The following HIKESHI variants were observed in gnomAD, a reference collection of about 807,000 sequenced individuals.
HIKESHI encodes heat shock protein nuclear import factor hikeshi.
Under a neutral mutation model 25.7 loss-of-function variants are expected in HIKESHI, and 13 were observed. The ratio of observed to expected loss-of-function variants is 0.51; its 90% CI spans 0.33 to 0.80. The LOEUF is 0.80. Ranked by LOEUF, HIKESHI falls within the 30% of genes least tolerant of loss-of-function variation. HIKESHI has a pLI of 0.02. For missense variants in HIKESHI, 174 were observed against 229.5 expected (o/e 0.76, Z 1.56); for synonymous variants, 76 against 78.7 (o/e 0.97, Z 0.18).
chr11:86,339,281 C>G (rs1388357903), intron 3 of HIKESHI, among the ~76,000 whole-genome samples: 1 of 152,202 alleles, frequency 6.6e-6, no homozygotes, highest in Non-Finnish European at 1.5e-5. Context: ...ATCTCCTGAC[C>G]TCGTTATCCG....
intron 2 of HIKESHI, among the ~76,000 whole-genome samples, chr11:86,317,273 A>T (rs1947012356): frequency 6.6e-6 from 1 of 152,190 alleles, no homozygotes; most frequent in Admixed American, 6.5e-5. Flanking sequence ...CAGTGAGCGG[A>T]GATTGCAACA....
intron 3 of HIKESHI, among the ~76,000 whole-genome samples, chr11:86,342,270 G>A (rs916686987): frequency 5.3e-5 from 8 of 152,112 alleles, no homozygotes; most frequent in South Asian, 4.2e-4. Context: ...ATGTGTTCTG[G>A]ATAATAATCC....
At chr11:86,312,884 C>T (rs1409929426) in intron 2 of HIKESHI, among the ~76,000 whole-genome samples, 4 of 152,138 alleles carry the variant, frequency 2.6e-5, no homozygotes. Context: ...TGAATATTGG[C>T]CCCCACTCTC....
rs1947749712 is a variant in HIKESHI at position 86,342,205 on chromosome 11, T to A, written c.421-2398T>A. Among the ~76,000 whole-genome samples the A allele has an allele frequency of 2.0e-5, 3 of 152,248 alleles. No homozygotes were observed. In the South Asian group the frequency reaches 6.2e-4, roughly 31 times the overall value. On this transcript the variant is annotated intron_variant, in intron 3 of 4. Transcript: ENST00000278483. ...TATTTTGTCCAATTTTCTGTTGTATTGCTTTTGGCACTTTTTAAATTTAGT... is the reference window on the plus strand; with the variant it reads ...TATTTTGTCCAATTTTCTGTTGTATAGCTTTTGGCACTTTTTAAATTTAGT...
chr11:86,316,026 T>C (rs1364156278), intron 2 of HIKESHI, among the ~76,000 whole-genome samples: 6 of 149,122 alleles, frequency 4.0e-5, no homozygotes, highest in African/African-American at 1.2e-4. Flanking sequence ...GTGCTAATAG[T>C]CGCAGCTACT....
rs1384626829 is a variant in HIKESHI, at chr11:86,312,146, T to C, written c.268+5664T>C. Among the ~76,000 whole-genome samples, 6 of 152,216 alleles carry C rather than the reference T, an allele frequency of 3.9e-5. No individual in the cohort carries two copies. In the East Asian group the frequency reaches 1.2e-3, roughly 29 times the overall value. ...CTTTCTGTCTCGTTGATCTGTCTAA[T>C]GTTGACAGTGGGGTGTTAAAGTCTC... is the stretch of plus-strand genomic sequence containing the variant. On this transcript the variant is annotated intron_variant, in intron 2 of 4. Coordinates refer to ENST00000278483, the MANE Select transcript of HIKESHI (RefSeq NM_016401.4).
At chr11:86,322,441 A>G (rs1376476362) in intron 2 of HIKESHI, among the ~76,000 whole-genome samples, 4 of 151,518 alleles carry the variant, frequency 2.6e-5, no homozygotes, top group African/African-American at 9.7e-5. Flanking sequence ...GTATATGTAT[A>G]TGTGTGTGTG....
chr11:86,345,400 A>G, intron 4 of HIKESHI, 184 bp from the exon 5 acceptor site: 1 of 480,236 alleles, frequency 2.1e-6, no homozygotes, highest in Non-Finnish European at 3.6e-6. Context: ...CTGCCCCGAT[A>G]TTTAAATTCC....
intron 2 of HIKESHI, among the ~76,000 whole-genome samples, chr11:86,333,921 T>C (rs1947481922): frequency 1.3e-5 from 2 of 152,044 alleles, no homozygotes; most frequent in South Asian, 4.2e-4. Context: ...CTTCAAGCTT[T>C]CAGGTATTAT....
chr11:86,318,667 A>G (rs935480896), intron 2 of HIKESHI, among the ~76,000 whole-genome samples: 5 of 152,208 alleles, frequency 3.3e-5, no homozygotes, highest in African/African-American at 1.2e-4. Context: ...TTTTATTACT[A>G]GAAAATTCAA....
At chr11:86,333,936 T>C (rs1947482316) in intron 2 of HIKESHI, among the ~76,000 whole-genome samples, 1 of 150,746 alleles carries the variant, frequency 6.6e-6, no homozygotes, top group Admixed American at 6.7e-5. Flanking sequence ...TATTATATTA[T>C]GGCAATGTAG....
At chr11:86,302,616 G>A (rs1384271511) in intron 1 of HIKESHI, 138 bp downstream of exon 1, 1 of 935,526 alleles carries the variant, frequency 1.1e-6, no homozygotes, top group Non-Finnish European at 1.6e-6. Flanking sequence ...AGGATGGAGC[G>A]TGGGAAGCTG....
rs532813656 is a variant in HIKESHI, at chr11:86,320,343, C to T, written c.268+13861C>T. On this transcript the variant is annotated intron_variant, in intron 2 of 4. Transcript: ENST00000278483. Reference sequence around the variant, plus strand: ...CTGTAATCCCAGCACTTTGGGAGGCCGAGGCAGGTGGATCACTTGAGGTCA... The same window carrying T: ...CTGTAATCCCAGCACTTTGGGAGGCTGAGGCAGGTGGATCACTTGAGGTCA... Among the ~76,000 whole-genome samples, 27 of 152,140 alleles carry T rather than the reference C, an allele frequency of 1.8e-4. No individual in the cohort carries two copies. The Middle Eastern group carries it at 0.027, about 153-fold the overall frequency.
intron 1 of HIKESHI, among the ~76,000 whole-genome samples, chr11:86,304,257 G>T (rs185219116): frequency 1.1e-4 from 17 of 152,050 alleles, no homozygotes; most frequent in Non-Finnish European, 1.8e-4. Flanking sequence ...ATTTGTATCG[G>T]TAGATAGGAT....
At position 86,344,610 on chromosome 11, in the gene HIKESHI, A is replaced by T. The variant is rs1426301324; in HGVS notation, c.428A>T (p.Gln143Leu). Residue 143 changes from glutamine (Q) to leucine (L), a missense_variant, in exon 4 of 5, where the codon CAA becomes CTA. Gln to Leu is a moderately radical substitution (Grantham distance 113, BLOSUM62 -2). Coordinates refer to ENST00000278483, the MANE Select transcript of HIKESHI (RefSeq NM_016401.4). ...CTATTATTAACTTTTCAGTTCACACAAAAGATGTTGGACAATTTCTACAAT... is the reference window on the plus strand; with the variant it reads ...CTATTATTAACTTTTCAGTTCACACTAAAGATGTTGGACAATTTCTACAAT... ...SSVDSFTQFT[Q>L]KMLDNFYNFA... The T allele has an allele frequency of 6.3e-7, 1 of 1,584,406 alleles. No homozygotes were observed. Among genetic ancestry groups the T allele is most frequent in the Admixed American group, 1.7e-5 (1 of 59,004 alleles).
At chr11:86,332,785 C>T (rs1025888543) in intron 2 of HIKESHI, among the ~76,000 whole-genome samples, 1 of 152,204 alleles carries the variant, frequency 6.6e-6, no homozygotes, top group Non-Finnish European at 1.5e-5. Context: ...TCTTAAACAA[C>T]CCTTTAAATA....
chr11:86,332,001 G>A (rs1475805394), intron 2 of HIKESHI, among the ~76,000 whole-genome samples: 1 of 133,250 alleles, frequency 7.5e-6, no homozygotes, highest in African/African-American at 3.0e-5. Context: ...TTTTTTTTGC[G>A]ACGGAGTCTT....
rs11234611 is a variant in HIKESHI, at chr11:86,315,940, A to G, written c.268+9458A>G. On this transcript the variant is annotated intron_variant, in intron 2 of 4. Transcript: ENST00000278483. ...TTTTGAGGTCCGGTTCTTAAAAAGG[A>G]GAGTAATAATATTGATTCTCCTTAC... Among the ~76,000 whole-genome samples the G allele has an allele frequency of 2.1e-3, 315 of 152,154 alleles. 4 individuals carry two copies. The East Asian group carries it at 0.049, about 24-fold the overall frequency.
intron 1 of HIKESHI, among the ~76,000 whole-genome samples, chr11:86,303,787 A>G (rs1279205634): frequency 6.6e-6 from 1 of 152,226 alleles, no homozygotes; most frequent in Non-Finnish European, 1.5e-5. Flanking sequence ...CTACTTATCT[A>G]AACTTATGAA....
Sources: allele counts gnomAD v4.1 joint callset (sites outside exome capture counted in the v4.1 genomes callset), GRCh38; gene constraint gnomAD v4.1.1; transcripts MANE v1.5; gene names NCBI Gene and HGNC (gene_info 2026-07-23, HGNC 2026-07-21).